The following CNTN4 variants were observed in gnomAD, a reference collection of about 807,000 sequenced individuals.
CNTN4 encodes the protein contactin 4, also known as contactin-4.
CNTN4 carries 77 observed loss-of-function variants against 122.5 expected under a neutral mutation model. The observed-to-expected ratio is 0.63, with a 90% CI of 0.52 to 0.76. CNTN4 has a LOEUF of 0.76. CNTN4 is among the 30% of genes least tolerant of loss of function. The probability of loss-of-function intolerance (pLI) is 0.00; values close to 1 mark genes in which losing one functional copy is unlikely to be tolerated. For missense variants in CNTN4, 1,256 were observed against 1,259.1 expected, an observed-to-expected ratio of 1.00 and a Z score of 0.04; for synonymous variants, 512 against 447.0, an observed-to-expected ratio of 1.15 and a Z score of -1.83.
chr3:2,432,403 G>C (rs183188134), intron 3 of CNTN4, among the ~76,000 whole-genome samples: 4 of 152,286 alleles, frequency 2.6e-5, no homozygotes, highest in Non-Finnish European at 5.9e-5. Context: ...AGTGATTAAT[G>C]TTATGAATTA....
chr3:2,622,515 C>T (rs2082029174), intron 4 of CNTN4, among the ~76,000 whole-genome samples: 1 of 151,998 alleles, frequency 6.6e-6, no homozygotes, highest in South Asian at 2.1e-4. Context: ...CTCCTGACCT[C>T]AGCCCACCTC....
chr3:2,213,368 C>G (rs559134828), intron 2 of CNTN4, among the ~76,000 whole-genome samples: 1 of 152,112 alleles, frequency 6.6e-6, no homozygotes. Flanking sequence ...TTCACTTGTT[C>G]CCTCTGAGCC....
intron 13 of CNTN4, among the ~76,000 whole-genome samples, chr3:2,930,308 G>C (rs968568585): frequency 9.9e-5 from 15 of 152,116 alleles, no homozygotes; most frequent in African/African-American, 3.6e-4. Flanking sequence ...GATTATTATT[G>C]TTATACTAGA....
chr3:2,872,846 G>A (rs960360640), intron 8 of CNTN4, among the ~76,000 whole-genome samples: 1 of 152,072 alleles, frequency 6.6e-6, no homozygotes, highest in South Asian at 2.1e-4. Flanking sequence ...TTATACTTCA[G>A]TATAAAATTA....
intron 14 of CNTN4, among the ~76,000 whole-genome samples, chr3:3,007,427 TG>T (rs1315616018): frequency 6.6e-6 from 1 of 152,224 alleles, no homozygotes; most frequent in East Asian, 1.9e-4. Flanking sequence ...ATTCTGTGCT[TG>T]GAAAGATGTA....
chr3:2,607,610 C>CACACACACACACACACACACACA (rs10530695), intron 4 of CNTN4, among the ~76,000 whole-genome samples: 3 of 145,374 alleles, frequency 2.1e-5, no homozygotes, highest in East Asian at 4.0e-4. Context: ...ACATATGCAT[C>CACACACACACACACACACACACA]CACACACACA....
chr3:2,189,801 G>T (rs756601960), intron 2 of CNTN4, among the ~76,000 whole-genome samples: 1 of 152,006 alleles, frequency 6.6e-6, no homozygotes, highest in Non-Finnish European at 1.5e-5. Flanking sequence ...CTCTAATAAC[G>T]AACTTTCAGT....
chr3:2,945,299 T>G (rs2094664406), intron 13 of CNTN4, among the ~76,000 whole-genome samples: 1 of 152,204 alleles, frequency 6.6e-6, no homozygotes, highest in Non-Finnish European at 1.5e-5. Context: ...CGGAGGAATC[T>G]GTCTGAATTT....
intron 13 of CNTN4, among the ~76,000 whole-genome samples, chr3:2,940,162 G>A (rs1358589369): frequency 6.6e-6 from 1 of 152,166 alleles, no homozygotes; most frequent in Non-Finnish European, 1.5e-5. Context: ...AAAGGGCTGT[G>A]GACAGACTCT....
At chr3:2,175,945 C>A (rs2036729677) in intron 2 of CNTN4, among the ~76,000 whole-genome samples, 1 of 152,176 alleles carries the variant, frequency 6.6e-6, no homozygotes, top group African/African-American at 2.4e-5. Flanking sequence ...CCAACCCCTT[C>A]ATCTTTAAGT....
intron 13 of CNTN4, among the ~76,000 whole-genome samples, chr3:2,947,490 G>T (rs187907159): frequency 4.6e-5 from 7 of 152,294 alleles, no homozygotes. Flanking sequence ...GTGAAGTCTG[G>T]ACAAGAACCT....
chr3:2,285,627 G>A (rs566795207), intron 2 of CNTN4, among the ~76,000 whole-genome samples: 1 of 152,044 alleles, frequency 6.6e-6, no homozygotes, highest in South Asian at 2.1e-4. Context: ...ATTTTTCAGT[G>A]TATGTTCACA....
At chr3:2,601,441 C>A (rs938556164) in intron 4 of CNTN4, among the ~76,000 whole-genome samples, 102 of 152,210 alleles carry the variant, frequency 6.7e-4, no homozygotes, top group African/African-American at 2.3e-3. Context: ...TTTCTCAGAA[C>A]CTTTATTAAA....
At chr3:2,226,618 T>C (rs2039293403) in intron 2 of CNTN4, among the ~76,000 whole-genome samples, 1 of 152,160 alleles carries the variant, frequency 6.6e-6, no homozygotes, top group Admixed American at 6.5e-5. Context: ...AACCCTTAGA[T>C]TTCCACTGCA....
At chr3:2,314,210 T>C (rs2043014310) in intron 2 of CNTN4, among the ~76,000 whole-genome samples, 1 of 151,830 alleles carries the variant, frequency 6.6e-6, no homozygotes, top group African/African-American at 2.4e-5. Flanking sequence ...TTCAATAAAA[T>C]GGGAAGGTTA....
In CNTN4 at chr3:2,856,471, G is replaced by A. The variant is rs550130934; in HGVS notation, c.455-10281G>A. Among the ~76,000 whole-genome samples, 19 of 152,262 alleles carry A rather than the reference G, an allele frequency of 1.2e-4. No individual in the cohort carries two copies. The East Asian group carries it at 1.9e-3, about 15-fold the overall frequency. ...TTGTCAGAGGGACTGAAAAGCACCC[G>A]GCACACAAGGGGATCAGTGACTATT... On this transcript the variant is annotated intron_variant, in intron 7 of 24. Transcript: ENST00000418658.
intron 6 of CNTN4, among the ~76,000 whole-genome samples, chr3:2,750,040 A>G (rs2090015361): frequency 2.6e-5 from 4 of 152,158 alleles, no homozygotes; most frequent in African/African-American, 9.7e-5. Context: ...TAATCATACA[A>G]TTTTATGGTT....
chr3:2,376,688 TAAAA>T (rs11404151), intron 3 of CNTN4, among the ~76,000 whole-genome samples: 2 of 134,378 alleles, frequency 1.5e-5, no homozygotes, highest in Non-Finnish European at 1.6e-5. Context: ...ACTTGTATGT[TAAAA>T]AAAAAAAAAA....
intron 3 of CNTN4, among the ~76,000 whole-genome samples, chr3:2,386,710 G>C (rs1243763896): frequency 6.6e-6 from 1 of 152,120 alleles, no homozygotes; most frequent in Non-Finnish European, 1.5e-5. Flanking sequence ...TTCCTCTTTA[G>C]AAACGAAAGG....
Sources: allele counts gnomAD v4.1 joint callset (sites outside exome capture counted in the v4.1 genomes callset), GRCh38; gene constraint gnomAD v4.1.1; transcripts MANE v1.5; gene names NCBI Gene and HGNC (gene_info 2026-07-23, HGNC 2026-07-21).